PSMD14: variants seen among roughly 807,000 people sequenced by gnomAD.
PSMD14 encodes proteasome 26S subunit, non-ATPase 14.
Under a neutral mutation model 41.2 loss-of-function variants are expected in PSMD14, and 7 were observed. The ratio of observed to expected loss-of-function variants is 0.17; its 90% CI spans 0.10 to 0.32. The LOEUF (loss-of-function observed/expected upper bound fraction) is 0.32. PSMD14 is among the 10% of genes least tolerant of loss of function. The pLI is 1.00. For missense variants in PSMD14, 139 were observed against 375.6 expected, an observed-to-expected ratio of 0.37 and a Z score of 5.21; for synonymous variants, 114 against 122.3, an observed-to-expected ratio of 0.93 and a Z score of 0.45.
At chr2:161,354,910 A>G (rs1683174201) in intron 3 of PSMD14, among the ~76,000 whole-genome samples, 1 of 152,078 alleles carries the variant, frequency 6.6e-6, no homozygotes, top group East Asian at 1.9e-4. Context: ...CAGTTTTTAT[A>G]TTCTCAAAAT....
intron 8 of PSMD14, among the ~76,000 whole-genome samples, chr2:161,389,744 C>T (rs970520910): frequency 5.9e-5 from 9 of 151,628 alleles, no homozygotes; most frequent in Non-Finnish European, 1.3e-4. Flanking sequence ...CCAAGAATTT[C>T]CTGACATGTA....
intron 3 of PSMD14, among the ~76,000 whole-genome samples, chr2:161,337,272 A>G: frequency 6.6e-6 from 1 of 152,340 alleles, no homozygotes; most frequent in Admixed American, 6.5e-5. Context: ...TTTCTAAATC[A>G]TATATATTTT....
intron 7 of PSMD14, among the ~76,000 whole-genome samples, chr2:161,375,850 G>C (rs1461582262): frequency 6.6e-6 from 1 of 151,752 alleles, no homozygotes; most frequent in African/African-American, 2.4e-5. Context: ...TGTGCGACAT[G>C]ATGAAACTCT....
intron 3 of PSMD14, among the ~76,000 whole-genome samples, chr2:161,329,879 C>T (rs547972828): frequency 1.3e-5 from 2 of 152,194 alleles, no homozygotes; most frequent in South Asian, 2.1e-4. Flanking sequence ...ATTCTGAATA[C>T]GTATTAAACT....
At chr2:161,320,603 C>T (rs1682556208) in intron 3 of PSMD14, among the ~76,000 whole-genome samples, 1 of 151,858 alleles carries the variant, frequency 6.6e-6, no homozygotes, top group African/African-American at 2.4e-5. Flanking sequence ...TTCTTTTTCT[C>T]TAAAATTTTA....
chr2:161,357,839 A>G (rs781449646), intron 3 of PSMD14, among the ~76,000 whole-genome samples: 3 of 151,388 alleles, frequency 2.0e-5, no homozygotes, highest in Non-Finnish European at 4.4e-5. Context: ...TCTAATAGGT[A>G]TTATTAAATG....
chr2:161,407,864 A>G lies in PSMD14; in HGVS notation c.772-973A>G, dbSNP rs532646542. ...TTTTTTTTTCCATTTATCAGATGCT[A>G]TGAATAAATCATAGATTAAAAGTTC... On this transcript the variant is annotated intron_variant, in intron 10 of 11. Transcript: ENST00000409682. 6 of 152,050 alleles carry G rather than the reference A, an allele frequency of 3.9e-5. No homozygotes were observed. In the East Asian group the frequency reaches 1.2e-3, roughly 29 times the overall value. The allele number at this position is 152,050 out of a possible 1,614,324, so 9.4% of individuals were successfully genotyped here. A position where few individuals can be genotyped will look rare whatever the true frequency, so the allele number is the denominator to read the frequency against.
intron 3 of PSMD14, among the ~76,000 whole-genome samples, chr2:161,328,374 A>T (rs548123824): frequency 9.8e-5 from 15 of 152,332 alleles, no homozygotes. Context: ...AGAAAAATTC[A>T]GTTGTAAAAA....
intron 3 of PSMD14, among the ~76,000 whole-genome samples, chr2:161,360,952 A>G (rs1683281651): frequency 6.6e-6 from 1 of 152,206 alleles, no homozygotes; most frequent in Non-Finnish European, 1.5e-5. Context: ...CTTGTCATAA[A>G]TGGGAAAACT....
At chr2:161,331,594 C>T (rs898874944) in intron 3 of PSMD14, among the ~76,000 whole-genome samples, 2 of 152,132 alleles carry the variant, frequency 1.3e-5, no homozygotes, top group African/African-American at 4.8e-5. Flanking sequence ...TTCTATAAGG[C>T]TTTTGCCTTG....
chr2:161,395,039 C>T (rs1253504040), intron 9 of PSMD14, 39 bp from the exon 10 acceptor site: 4 of 1,511,768 alleles, frequency 2.6e-6, no homozygotes, highest in Non-Finnish European at 3.5e-6. Context: ...GGGGTATCCT[C>T]AAGGCAGAAA....
intron 9 of PSMD14, among the ~76,000 whole-genome samples, chr2:161,392,317 G>T (rs4664422): frequency 1.3e-5 from 2 of 152,126 alleles, no homozygotes; most frequent in African/African-American, 4.8e-5. Flanking sequence ...TGAGACCGCT[G>T]TCAAGTCAGA....
intron 3 of PSMD14, among the ~76,000 whole-genome samples, chr2:161,365,776 A>G (rs182322380): frequency 1.3e-5 from 2 of 152,288 alleles, no homozygotes; most frequent in East Asian, 1.9e-4. Flanking sequence ...CATCACCTCA[A>G]TATTTATCAT....
chr2:161,366,387 A>AACACACACAC (rs36202166), intron 3 of PSMD14, among the ~76,000 whole-genome samples: 1 of 148,398 alleles, frequency 6.7e-6, no homozygotes, highest in Non-Finnish European at 1.5e-5. Context: ...AATAGAATTT[A>AACACACACAC]ACACACACAC....
intron 7 of PSMD14, among the ~76,000 whole-genome samples, chr2:161,378,795 A>G (rs951038379): frequency 2.0e-5 from 3 of 151,992 alleles, no homozygotes; most frequent in Non-Finnish European, 4.4e-5. Flanking sequence ...CAGTTTCCTC[A>G]TCCATAAATT....
intron 8 of PSMD14, among the ~76,000 whole-genome samples, chr2:161,388,916 G>A (rs1027874321): frequency 1.3e-5 from 2 of 152,082 alleles, no homozygotes; most frequent in African/African-American, 4.8e-5. Flanking sequence ...GGACATGGCC[G>A]GTTGACTTAT....
chr2:161,369,151 A>G (rs570324678), intron 5 of PSMD14, among the ~76,000 whole-genome samples: 87 of 152,018 alleles, frequency 5.7e-4, no homozygotes, highest in Middle Eastern at 3.2e-3. Flanking sequence ...TTATGTAGAT[A>G]CCCATTATAA....
chr2:161,328,314 A>G (rs183947758), intron 3 of PSMD14, among the ~76,000 whole-genome samples: 122 of 152,302 alleles, frequency 8.0e-4, no homozygotes, highest in Non-Finnish European at 1.5e-3. Flanking sequence ...AAATGAATGA[A>G]CTAGGTTCTA....
At chr2:161,329,880 G>A (rs562980495) in intron 3 of PSMD14, among the ~76,000 whole-genome samples, 1 of 152,072 alleles carries the variant, frequency 6.6e-6, no homozygotes, top group Non-Finnish European at 1.5e-5. Flanking sequence ...TTCTGAATAC[G>A]TATTAAACTC....
Sources: gnomAD v4.1 joint callset for allele counts (sites outside exome capture counted in the v4.1 genomes callset) on GRCh38, gnomAD v4.1.1 for gene constraint, MANE v1.5 for transcripts, NCBI Gene and HGNC (gene_info 2026-07-23, HGNC 2026-07-21) for gene names.